CCDC136: variants seen among roughly 807,000 people sequenced by gnomAD.
The protein encoded by CCDC136 is coiled-coil domain-containing protein 136.
A neutral mutation model predicts 141.2 loss-of-function variants in CCDC136; 100 were observed. The observed-to-expected ratio is 0.71, with a 90% CI of 0.60 to 0.84. The LOEUF (loss-of-function observed/expected upper bound fraction) is 0.84, where lower values mean the gene tolerates loss of function less well. Among genes scored for constraint, CCDC136 ranks in the 40% least tolerant of loss-of-function variants. The pLI is 0.00. For synonymous variants in CCDC136, 474 were observed against 531.9 expected, an observed-to-expected ratio of 0.89 and a Z score of 1.50; for missense variants, 1,206 against 1,379.4, an observed-to-expected ratio of 0.87 and a Z score of 1.99.
At chr7:128,815,043 G>GCT in intron 15 of CCDC136, 124 bp downstream of exon 15, 2 of 820,648 alleles carry the variant, frequency 2.4e-6, no homozygotes, top group Non-Finnish European at 3.7e-6. Context: ...GATCTCTGAA[G>GCT]TGTCTACAGT....
chr7:128,792,027 C>A lies in CCDC136; in HGVS notation c.-385C>A. ...TTCTTCACTGGCTCCCGCCCTCTTTCAGTCTTGGCCCTCTCCTCCCTGTCC... is the reference window on the plus strand; with the variant it reads ...TTCTTCACTGGCTCCCGCCCTCTTTAAGTCTTGGCCCTCTCCTCCCTGTCC... On this transcript the variant is annotated 5_prime_UTR_variant, in exon 1 of 18. Transcript: ENST00000297788. 1.6e-6 allele frequency: 2 copies of A among 1,221,874 alleles called. No individual in the cohort carries two copies. Among genetic ancestry groups the A allele is most frequent in the Non-Finnish European group, 2.0e-6 (2 of 977,828 alleles). The allele number at this position is 1,221,874 out of a possible 1,614,324, so 75.7% of individuals were successfully genotyped here. A position where few individuals can be genotyped will look rare whatever the true frequency, so the allele number is the denominator to read the frequency against.
rs564311788 is a variant in CCDC136, at chr7:128,805,384, C to G, written c.808C>G (p.Leu270Val). 6 of 1,613,880 alleles carry G rather than the reference C, an allele frequency of 3.7e-6. No individual in the cohort carries two copies. In the South Asian group the frequency reaches 6.6e-5, roughly 18 times the overall value. Residue 270 changes from leucine (L) to valine (V), a missense_variant, in exon 6 of 18, where the codon CTG becomes GTG. Leu to Val is a conservative substitution (Grantham distance 32). Transcript: ENST00000297788. This position sits in a 1 kb window ranked among gnomAD's most constrained non-coding sequence, Gnocchi z 4.6. ...GACACAGAGAGCAACAGAGAGATGGCTGCAGTCCCAAACACTGAGTATGAC... is the reference window on the plus strand; with the variant it reads ...GACACAGAGAGCAACAGAGAGATGGGTGCAGTCCCAAACACTGAGTATGAC... ...ERTQRATERWLQSQTLSMTSA... is the reference protein window; with the variant it reads ...ERTQRATERWVQSQTLSMTSA...
rs776503999 is a variant in CCDC136 at position 128,809,635 on chromosome 7, C to T, written c.1791C>T (p.Leu597=). 9 of 1,528,294 alleles carry T rather than the reference C, an allele frequency of 5.9e-6. No individual in the cohort carries two copies. The South Asian group carries it at 1.1e-4, about 19-fold the overall frequency. 94.7% of individuals were successfully genotyped at this position (1,528,294 alleles called of 1,614,324 possible). A position where few individuals can be genotyped will look rare whatever the true frequency, so the allele number is the denominator to read the frequency against. Residue 597 remains leucine (L), a synonymous_variant, in exon 11 of 18, where the codon CTC becomes CTT. Transcript: ENST00000297788. ...RLTLPLPKSG[L]LLKSQELLTK... ...CACTGCCACTGCCAAAGAGTGGCCT[C>T]TTACTCAAGGTAACTCTGCCACAGG...
rs1804649101 is a variant in CCDC136, at chr7:128,805,228, G to C, written c.783-131G>C. 5.5e-6 allele frequency: 4 copies of C among 730,868 alleles called. No individual in the cohort carries two copies. Among genetic ancestry groups the C allele is most frequent in the Non-Finnish European group, 9.3e-6 (4 of 429,148 alleles). 45.3% of individuals were successfully genotyped at this position (730,868 alleles called of 1,614,324 possible). On this transcript the variant is annotated intron_variant, in intron 5 of 17. Coordinates refer to ENST00000297788, the MANE Select transcript of CCDC136 (RefSeq NM_022742.5). The surrounding 1 kb of genome is among the most constrained non-coding windows in gnomAD (Gnocchi z 4.6). ...TGTAGTCTTTTAAGCATGTTTATCTGAGCGGTGAGTCACAATAGAAGGCCC... is the reference window on the plus strand; with the variant it reads ...TGTAGTCTTTTAAGCATGTTTATCTCAGCGGTGAGTCACAATAGAAGGCCC...
chr7:128,791,444 G>A, upstream of CCDC136: 2 of 1,279,264 alleles, frequency 1.6e-6, no homozygotes, highest in Non-Finnish European at 2.0e-6. The surrounding 1 kb of genome is among the most constrained non-coding windows in gnomAD (Gnocchi z 7.1). Context: ...CCCCGGGCTC[G>A]CGGCTGCGGC....
At position 128,809,587 on chromosome 7, in the gene CCDC136, G is replaced by C. The variant is rs1479239608; in HGVS notation, c.1743G>C (p.Leu581=). 1.3e-6 allele frequency: 2 copies of C among 1,566,692 alleles called. No individual in the cohort carries two copies. The highest frequency in any genetic ancestry group is 1.9e-5 in the Admixed American group (1 of 53,144). The change falls in exon 11 of 18, where the codon CTG becomes CTC. Residue 581 remains leucine, a synonymous_variant. Coordinates refer to ENST00000297788, the MANE Select transcript of CCDC136 (RefSeq NM_022742.5). ...GGATGCAGGAGGAGCAGGGCCAGCT[G>C]CAGGAAGAGCTGCACAGGCTCACAC... is the stretch of plus-strand genomic sequence containing the variant. ...QRRMQEEQGQ[L]QEELHRLTLP... is the part of the protein sequence containing the mutation.
In CCDC136 at chr7:128,792,280, G is replaced by GGC; in HGVS notation, c.-132_-131insGC. 12 of 1,334,758 alleles carry GGC rather than the reference G, an allele frequency of 9.0e-6. No homozygotes were observed. Among genetic ancestry groups the GGC allele is most frequent in the East Asian group, 3.6e-5 (1 of 28,086 alleles). The allele number at this position is 1,334,758 out of a possible 1,614,324, so 82.7% of individuals were successfully genotyped here. The stretch of plus-strand genomic sequence containing the variant: ...TCCTCTGCACCCCAGCCCGCAGCCA[G>GGC]CCCCCCACCCCCCAGCCCCTCCTTT... On this transcript the variant is annotated 5_prime_UTR_variant, in exon 1 of 18. The change abolishes the stop of an existing upstream ORF in the 5' untranslated region. Transcript: ENST00000297788.
rs1332135013 is a variant in CCDC136, at chr7:128,792,160, G to A, written c.-252G>A. 2.4e-5 allele frequency: 35 copies of A among 1,439,346 alleles called. No homozygotes were observed. The highest frequency in any genetic ancestry group is 2.9e-5 in the Non-Finnish European group (32 of 1,103,680). The allele number at this position is 1,439,346 out of a possible 1,614,324, so 89.2% of individuals were successfully genotyped here. A position where few individuals can be genotyped will look rare whatever the true frequency, so the allele number is the denominator to read the frequency against. On this transcript the variant is annotated 5_prime_UTR_variant, in exon 1 of 18. Transcript: ENST00000297788. Reference sequence around the variant, plus strand: ...AGGCAGGGCTGAGAGGTGGCCGAGAGAGAGGAGTCGCAGAGCCGCCAGAGT... The same window carrying A: ...AGGCAGGGCTGAGAGGTGGCCGAGAAAGAGGAGTCGCAGAGCCGCCAGAGT...
intron 3 of CCDC136, among the ~76,000 whole-genome samples, chr7:128,796,434 G>A (rs1314238721): frequency 2.0e-5 from 3 of 152,068 alleles, no homozygotes; most frequent in Non-Finnish European, 4.4e-5. Flanking sequence ...CCTGGCAAGA[G>A]AACGTTCTGA....
rs781623216 is a variant in CCDC136 at position 128,809,575 on chromosome 7, G to T, written c.1731G>T (p.Glu577Asp). The T allele has an allele frequency of 6.4e-7, 1 of 1,567,534 alleles. No individual in the cohort carries two copies. The highest frequency in any genetic ancestry group is 8.6e-7 in the Non-Finnish European group (1 of 1,156,740). The change falls in exon 11 of 18, where the codon GAG becomes GAT. Residue 577 changes from glutamate (E) to aspartate (D), a missense_variant. Physicochemically the swap from Glu to Asp is conservative, Grantham distance 45. Coordinates refer to ENST00000297788, the MANE Select transcript of CCDC136 (RefSeq NM_022742.5). ...LLEDQRRMQEEQGQLQEELHR... is the reference protein window; with the variant it reads ...LLEDQRRMQEDQGQLQEELHR... Reference sequence around the variant, plus strand: ...AGGATCAGAGGAGGATGCAGGAGGAGCAGGGCCAGCTGCAGGAAGAGCTGC... The same window carrying T: ...AGGATCAGAGGAGGATGCAGGAGGATCAGGGCCAGCTGCAGGAAGAGCTGC...
chr7:128,804,854 A>G (rs1804590756), intron 5 of CCDC136, 93 bp downstream of exon 5: 3 of 757,730 alleles, frequency 4.0e-6, no homozygotes, highest in South Asian at 1.7e-5. Flanking sequence ...CAGGGCAGTG[A>G]GCGTTCCTTT....
chr7:128,811,405 T>G, intron 12 of CCDC136: 1 of 459,138 alleles, frequency 2.2e-6, no homozygotes. Flanking sequence ...CCGGGGCTGA[T>G]TTTAGAACTA....
intron 12 of CCDC136, 107 bp downstream of exon 12, chr7:128,810,473 G>A: frequency 1.3e-6 from 1 of 767,920 alleles, no homozygotes; most frequent in Admixed American, 2.6e-5. Flanking sequence ...TTTGGCCAGG[G>A]GTAAGGATAA....
At chr7:128,797,608 G>T (rs1324747970) in intron 3 of CCDC136, among the ~76,000 whole-genome samples, 1 of 152,210 alleles carries the variant, frequency 6.6e-6, no homozygotes, top group Non-Finnish European at 1.5e-5. Flanking sequence ...CAAGAGAGAG[G>T]ACCCTGAGAC....
chr7:128,798,153 A>G (rs113204926), intron 3 of CCDC136, among the ~76,000 whole-genome samples: 10 of 148,350 alleles, frequency 6.7e-5, no homozygotes. Context: ...TCCTGACCTC[A>G]TGATCCGCCC....
At chr7:128,812,593 C>A (rs557222120) in intron 13 of CCDC136, 115 bp from the exon 14 acceptor site, 3 of 814,206 alleles carry the variant, frequency 3.7e-6, no homozygotes, top group Middle Eastern at 3.5e-4. Flanking sequence ...TAATCCCCCG[C>A]GGGCATCTCT....
Position 128,792,050 on chromosome 7 carries a change from T to TC in CCDC136, c.-356dup, listed in dbSNP as rs1236179515. ...TTCAGTCTTGGCCCTCTCCTCCCTGTCCCCCCGGACTAAATACGCACACCC... is the reference window on the plus strand; with the variant it reads ...TTCAGTCTTGGCCCTCTCCTCCCTGTCCCCCCCGGACTAAATACGCACACCC... On this transcript the variant is annotated 5_prime_UTR_variant, in exon 1 of 18. Transcript: ENST00000297788. The TC allele has an allele frequency of 3.1e-6, 4 of 1,271,942 alleles. No individual in the cohort carries two copies. The highest frequency in any genetic ancestry group is 1.6e-5 in the African/African-American group (1 of 63,968). The allele number at this position is 1,271,942 out of a possible 1,614,324, so 78.8% of individuals were successfully genotyped here. A position where few individuals can be genotyped will look rare whatever the true frequency, so the allele number is the denominator to read the frequency against.
rs202240629 is a variant in CCDC136 at position 128,810,230 on chromosome 7, A to G, written c.1892A>G (p.Asn631Ser). 114 of 1,612,802 alleles carry G rather than the reference A, an allele frequency of 7.1e-5. 1 individual carries two copies. In the African/African-American group the frequency reaches 1.3e-3, roughly 19 times the overall value. Residue 631 changes from asparagine (N) to serine (S), a missense_variant, in exon 12 of 18, where the codon AAC becomes AGC. Coordinates refer to ENST00000297788, the MANE Select transcript of CCDC136 (RefSeq NM_022742.5). ...MQEEQKKLIQ[N>S]QDCVLKEQLE... ...GAGGAACAGAAGAAGCTGATACAGA[A>G]CCAAGACTGTGTATTAAAAGAACAA...
intron 14 of CCDC136, 45 bp downstream of exon 14, chr7:128,812,974 A>G (rs768744685): frequency 7.2e-7 from 1 of 1,384,338 alleles, no homozygotes; most frequent in South Asian, 1.2e-5. Flanking sequence ...CAGCCCCTGG[A>G]GCCATAGAGG....
Sources: gnomAD v4.1 joint callset for allele counts (sites outside exome capture counted in the v4.1 genomes callset) on GRCh38, gnomAD v4.1.1 for gene constraint, Gnocchi (gnomAD v3.1) non-coding constraint, MANE v1.5 for transcripts, NCBI Gene and HGNC (gene_info 2026-07-23, HGNC 2026-07-21) for gene names.